ABCC1: variants seen among roughly 807,000 people sequenced by gnomAD.
ABCC1 encodes the protein ATP binding cassette subfamily C member 1 (ABCC1 blood group).
ABCC1 carries 83 observed loss-of-function variants against 172.9 expected under a neutral mutation model. The observed-to-expected ratio is 0.48, with a 90% CI of 0.40 to 0.58. The LOEUF (loss-of-function observed/expected upper bound fraction) is 0.58, where lower values mean the gene tolerates loss of function less well. Ranked by LOEUF, ABCC1 falls within the 20% of genes least tolerant of loss-of-function variation. The probability of loss-of-function intolerance (pLI) is 0.00; values close to 1 mark genes in which losing one functional copy is unlikely to be tolerated. For missense variants in ABCC1, 1,817 were observed against 2,002.7 expected (o/e 0.91, Z 1.77); for synonymous variants, 937 against 825.2 (o/e 1.14, Z -2.32).
chr16:15,964,569 T>C (rs575639088), intron 1 of ABCC1, among the ~76,000 whole-genome samples: 14 of 152,112 alleles, frequency 9.2e-5, no homozygotes, highest in Non-Finnish European at 1.9e-4. Context: ...CAATAACCAA[T>C]GTATTCTTGT....
In ABCC1 at chr16:16,142,408, A is replaced by G. The variant is rs1250929555; in HGVS notation, c.*1127A>G. ...TTATGAAGCTTTCAAAGTAAAGAAC[A>G]CGAAATACCTCCCAAGTATTACCAG... On this transcript the variant is annotated 3_prime_UTR_variant, in exon 31 of 31. Coordinates refer to ENST00000399410, the MANE Select transcript of ABCC1 (RefSeq NM_004996.4). 2.6e-5 allele frequency: 4 copies of G among 152,224 alleles called. No individual in the cohort carries two copies. The highest frequency in any genetic ancestry group is 4.8e-5 in the African/African-American group (2 of 41,460). The allele number at this position is 152,224 out of a possible 1,614,324, so 9.4% of individuals were successfully genotyped here. A position where few individuals can be genotyped will look rare whatever the true frequency, so the allele number is the denominator to read the frequency against.
intron 26 of ABCC1, among the ~76,000 whole-genome samples, chr16:16,126,127 C>A (rs888777539): frequency 3.7e-4 from 56 of 152,138 alleles, no homozygotes; most frequent in Non-Finnish European, 4.6e-4. Context: ...TCTGGGGTAT[C>A]CATATACGAG....
intron 13 of ABCC1, 64 bp from the exon 14 acceptor site, chr16:16,071,578 C>T (rs1349268519): frequency 2.1e-6 from 3 of 1,406,424 alleles, no homozygotes; most frequent in Admixed American, 1.9e-5. Context: ...GAAAGTTAAC[C>T]TTGGTTGGTT....
chr16:16,084,157 C>CA (rs2050916417), intron 17 of ABCC1, among the ~76,000 whole-genome samples: 2 of 151,778 alleles, frequency 1.3e-5, no homozygotes, highest in African/African-American at 4.8e-5. Flanking sequence ...GGCTGGAGTG[C>CA]AGTGGCACGA....
rs2048007545 is a variant in ABCC1, at chr16:16,016,599, T to A, written c.593T>A (p.Phe198Tyr). Residue 198 changes from phenylalanine (F) to tyrosine (Y), a missense_variant, in exon 5 of 31, where the codon TTC becomes TAC. Coordinates refer to ENST00000399410, the MANE Select transcript of ABCC1 (RefSeq NM_004996.4). ...TGTTTCTCAGATCGCTCACCCCTGT[T>A]CTCGGAAACCATCCACGACCCTGTA... ...LSCFSDRSPL[F>Y]SETIHDPNPC... 1 of 1,614,066 alleles carries A rather than the reference T, an allele frequency of 6.2e-7. No individual in the cohort carries two copies. Among genetic ancestry groups the A allele is most frequent in the African/African-American group, 1.3e-5 (1 of 74,920 alleles).
At chr16:16,121,212 A>G (rs934650887) in intron 23 of ABCC1, among the ~76,000 whole-genome samples, 1 of 152,060 alleles carries the variant, frequency 6.6e-6, no homozygotes, top group Admixed American at 6.5e-5. Flanking sequence ...TTTCTTAATA[A>G]TATTTTATTT....
At chr16:15,984,273 G>T (rs573305051) in intron 1 of ABCC1, among the ~76,000 whole-genome samples, 5 of 152,178 alleles carry the variant, frequency 3.3e-5, no homozygotes, top group East Asian at 1.9e-4. Flanking sequence ...AAGTGAAAAC[G>T]TGGAGATCCA....
chr16:16,075,694 T>C (rs1023614554), intron 14 of ABCC1, among the ~76,000 whole-genome samples: 3 of 152,210 alleles, frequency 2.0e-5, no homozygotes, highest in African/African-American at 2.4e-5. Flanking sequence ...TCCCCTTCCC[T>C]GTGCCCTCGT....
chr16:16,090,683 A>T, intron 19 of ABCC1, 95 bp downstream of exon 19: 1 of 1,370,146 alleles, frequency 7.3e-7, no homozygotes, highest in East Asian at 2.6e-5. Flanking sequence ...CACTTGGGGA[A>T]GGCGGCTCCT....
At chr16:16,013,556 T>C (rs75456903) in intron 3 of ABCC1, among the ~76,000 whole-genome samples, 35,198 of 133,184 alleles carry the variant, frequency 0.26, 5,173 homozygotes, top group African/African-American at 0.42. Context: ...CCACTGCACC[T>C]GGCTGATTTT....
At chr16:15,956,838 A>G (rs920477550) in intron 1 of ABCC1, among the ~76,000 whole-genome samples, 1 of 152,074 alleles carries the variant, frequency 6.6e-6, no homozygotes, top group East Asian at 1.9e-4. Flanking sequence ...TGGTCTTGCT[A>G]TCTCAGGGAT....
chr16:15,999,626 A>G (rs1417369339), intron 1 of ABCC1, among the ~76,000 whole-genome samples: 1 of 150,664 alleles, frequency 6.6e-6, no homozygotes, highest in African/African-American at 2.4e-5. Context: ...AAAAGAAAAA[A>G]AAAATAGAAA....
intron 14 of ABCC1, 145 bp from the exon 15 acceptor site, chr16:16,076,181 G>A (rs2050557687): frequency 1.4e-6 from 1 of 739,082 alleles, no homozygotes; most frequent in South Asian, 1.8e-5. Context: ...TTCAGAACCC[G>A]TGGCTGATGT....
At position 15,999,769 on chromosome 16, in the gene ABCC1, T is replaced by TTCTCTCTCTCTCTC. The variant is rs1228532784; in HGVS notation, c.49-8020_49-8007dup. On this transcript the variant is annotated intron_variant, in intron 1 of 30. Transcript: ENST00000399410. ...GTGTGAGCCTCTGTGCCCGGCCTCT[T>TTCTCTCTCTCTCTC]TCTCTCTCTCTCTCTCTCTCTCTCT... Among the ~76,000 whole-genome samples, 135 of 25,362 alleles carry TTCTCTCTCTCTCTC rather than the reference T, an allele frequency of 5.3e-3. 44 individuals are homozygous for TTCTCTCTCTCTCTC. Among genetic ancestry groups the TTCTCTCTCTCTCTC allele is most frequent in the South Asian group, 0.039 (20 of 508 alleles). The allele number at this position is 25,362 out of a possible 152,430, so 16.6% of individuals were successfully genotyped here.
intron 3 of ABCC1, among the ~76,000 whole-genome samples, chr16:16,012,772 T>C (rs913676169): frequency 1.3e-5 from 2 of 151,106 alleles, no homozygotes; most frequent in Non-Finnish European, 2.9e-5. Flanking sequence ...AACCTCTGCC[T>C]CCCGGGTTCA....
At chr16:16,065,884 A>AT (rs986194438) in intron 12 of ABCC1, among the ~76,000 whole-genome samples, 51 of 152,248 alleles carry the variant, frequency 3.3e-4, no homozygotes, top group African/African-American at 8.9e-4. Flanking sequence ...ATCGAAATGT[A>AT]TTTTTTTAAC....
rs1453630371 is a variant in ABCC1 at position 16,003,252 on chromosome 16, GCT to G, written c.49-4563_49-4562del. Among the ~76,000 whole-genome samples the G allele has an allele frequency of 1.1e-3, 136 of 125,402 alleles. 16 individuals are homozygous for G. Among genetic ancestry groups the G allele is most frequent in the Middle Eastern group, 4.2e-3 (1 of 236 alleles). 82.3% of individuals were successfully genotyped at this position (125,402 alleles called of 152,430 possible). ...GGATGGATGAATGAACTGGTGGGTT[GCT>G]GGATGGGTGGATGAATTGGTAGGTG... On this transcript the variant is annotated intron_variant, in intron 1 of 30. Coordinates refer to ENST00000399410, the MANE Select transcript of ABCC1 (RefSeq NM_004996.4).
In ABCC1 at chr16:16,136,453, C is replaced by T. The variant is rs767957672; in HGVS notation, c.4126-25C>T. 20 of 1,611,260 alleles carry T rather than the reference C, an allele frequency of 1.2e-5. No individual in the cohort carries two copies. The Admixed American group carries it at 1.3e-4, about 11-fold the overall frequency. On this transcript the variant is annotated intron_variant, in intron 28 of 30. Coordinates refer to ENST00000399410, the MANE Select transcript of ABCC1 (RefSeq NM_004996.4). ...TCAGCGTGACACAGGTGTCACATGC[C>T]GTCCACTCTCTTCTCTCTGAACAGG...
chr16:16,122,028 C>T lies in ABCC1; in HGVS notation c.3444C>T (p.Arg1148=), dbSNP rs201242748. The T allele has an allele frequency of 1.9e-6, 3 of 1,614,194 alleles. No homozygotes were observed. Among genetic ancestry groups the T allele is most frequent in the East Asian group, 4.5e-5 (2 of 44,884 alleles). Residue 1148 remains arginine, a synonymous_variant, in exon 24 of 31, where the codon CGC becomes CGT. Transcript: ENST00000399410. ...RQLKRLESVS[R]SPVYSHFNET... ...TGAAGCGCCTCGAGTCGGTCAGCCGCTCCCCGGTCTATTCCCATTTCAACG... is the reference window on the plus strand; with the variant it reads ...TGAAGCGCCTCGAGTCGGTCAGCCGTTCCCCGGTCTATTCCCATTTCAACG...
Sources: gnomAD v4.1 joint callset for allele counts (sites outside exome capture counted in the v4.1 genomes callset) on GRCh38, gnomAD v4.1.1 for gene constraint, MANE v1.5 for transcripts, NCBI Gene and HGNC (gene_info 2026-07-23, HGNC 2026-07-21) for gene names.